Variants in BTLA observed in about 807,000 individuals in gnomAD.
BTLA encodes B and T lymphocyte associated.
BTLA carries 11 observed loss-of-function variants against 25.0 expected under a neutral mutation model. That is an observed-to-expected ratio of 0.44 (90% CI 0.28 to 0.73). The LOEUF (loss-of-function observed/expected upper bound fraction) is 0.73. BTLA is among the 30% of genes least tolerant of loss of function. The pLI, the probability that BTLA is intolerant of heterozygous loss-of-function variation, is 0.15. For synonymous variants in BTLA, 104 were observed against 119.8 expected, an observed-to-expected ratio of 0.87 and a Z score of 0.86; for missense variants, 282 against 332.8, an observed-to-expected ratio of 0.85 and a Z score of 1.19.
chr3:112,496,817 T>A (rs1289843520), intron 1 of BTLA, among the ~76,000 whole-genome samples: 1 of 152,094 alleles, frequency 6.6e-6, no homozygotes, highest in African/African-American at 2.4e-5. Context: ...AACCTCTGCC[T>A]CCTGGGTTCA....
intron 1 of BTLA, among the ~76,000 whole-genome samples, chr3:112,488,289 G>A (rs2082360207): frequency 2.1e-5 from 3 of 144,750 alleles, no homozygotes; most frequent in African/African-American, 2.5e-5. Context: ...GTGCAGTGGC[G>A]CAATCTCCGC....
At position 112,464,575 on chromosome 3, in the gene BTLA, A is replaced by G. The variant is rs1295213444; in HGVS notation, c.*1533T>C. Reference sequence around the variant, plus strand: ...TGCACCCCCAAATCTAAGGAGCTAAAACTTAATGCCAGTGTTACTTAAGAA... The same window carrying G: ...TGCACCCCCAAATCTAAGGAGCTAAGACTTAATGCCAGTGTTACTTAAGAA... On this transcript the variant is annotated 3_prime_UTR_variant, in exon 5 of 5. Transcript: ENST00000334529. The G allele has an allele frequency of 1.2e-5, 2 of 161,266 alleles. No individual in the cohort carries two copies. Among genetic ancestry groups the G allele is most frequent in the Non-Finnish European group, 2.7e-5 (2 of 74,376 alleles). The allele number at this position is 161,266 out of a possible 1,614,324, so 10.0% of individuals were successfully genotyped here. A position where few individuals can be genotyped will look rare whatever the true frequency, so the allele number is the denominator to read the frequency against.
intron 1 of BTLA, among the ~76,000 whole-genome samples, chr3:112,483,617 T>A (rs1433944496): frequency 1.3e-5 from 2 of 152,056 alleles, no homozygotes; most frequent in Non-Finnish European, 2.9e-5. Flanking sequence ...GAGCTTGCCT[T>A]CTAATGGGAA....
intron 1 of BTLA, among the ~76,000 whole-genome samples, chr3:112,496,558 C>T (rs141859088): frequency 6.6e-6 from 1 of 152,214 alleles, no homozygotes; most frequent in Non-Finnish European, 1.5e-5. Context: ...CTGTAAAGAA[C>T]TCAGCAATTA....
chr3:112,471,483 A>G (rs1300339120), intron 2 of BTLA, 128 bp from the exon 3 acceptor site: 2 of 1,038,110 alleles, frequency 1.9e-6, no homozygotes, highest in South Asian at 1.9e-5. Context: ...TCCCCTTCAG[A>G]GGCATTCCTC....
intron 1 of BTLA, 40 bp from the exon 2 acceptor site, chr3:112,479,809 C>G: frequency 6.8e-7 from 1 of 1,469,452 alleles, no homozygotes; most frequent in Non-Finnish European, 9.2e-7. Flanking sequence ...ATATGTTCTT[C>G]TGGAAGTACC....
At chr3:112,466,478 A>G in intron 4 of BTLA, 95 bp from the exon 5 acceptor site, 1 of 1,149,792 alleles carries the variant, frequency 8.7e-7, no homozygotes. Flanking sequence ...AAATGGAGTC[A>G]TGTCCATTGT....
At chr3:112,489,716 T>C (rs752352939) in intron 1 of BTLA, among the ~76,000 whole-genome samples, 1 of 152,200 alleles carries the variant, frequency 6.6e-6, no homozygotes, top group African/African-American at 2.4e-5. Context: ...GAAAATACTA[T>C]CACAGACAAA....
At chr3:112,485,099 C>CA (rs2082338982) in intron 1 of BTLA, among the ~76,000 whole-genome samples, 1 of 152,044 alleles carries the variant, frequency 6.6e-6, no homozygotes, top group Non-Finnish European at 1.5e-5. Flanking sequence ...GGCTGGAGTA[C>CA]AGTGATGCAA....
At chr3:112,495,134 T>C (rs1023368421) in intron 1 of BTLA, among the ~76,000 whole-genome samples, 2 of 152,172 alleles carry the variant, frequency 1.3e-5, no homozygotes, top group Non-Finnish European at 2.9e-5. Flanking sequence ...AACAACCTTA[T>C]AAGATTATTC....
chr3:112,475,391 AC>A (rs2082283807), intron 2 of BTLA, among the ~76,000 whole-genome samples: 1 of 151,934 alleles, frequency 6.6e-6, no homozygotes, highest in East Asian at 1.9e-4. Flanking sequence ...GTTCCATAAA[AC>A]CCCCCAAGGC....
intron 1 of BTLA, among the ~76,000 whole-genome samples, chr3:112,494,565 T>C (rs3112268): frequency 0.046 from 7,047 of 152,238 alleles, 337 homozygotes; most frequent in East Asian, 0.19. Flanking sequence ...CGTGGAATAC[T>C]ATGCAGCCAT....
At chr3:112,490,713 AT>A (rs1160864733) in intron 1 of BTLA, among the ~76,000 whole-genome samples, 1 of 87,786 alleles carries the variant, frequency 1.1e-5, no homozygotes, top group African/African-American at 4.5e-5. Context: ...ATAAATCTAC[AT>A]TTATGCCCAT....
intron 3 of BTLA, among the ~76,000 whole-genome samples, chr3:112,470,859 T>C (rs956766804): frequency 2.0e-5 from 3 of 152,196 alleles, no homozygotes; most frequent in South Asian, 2.1e-4. Context: ...GATATCTTGA[T>C]CTGAGAGATT....
rs192959469 is a variant in BTLA at position 112,496,845 on chromosome 3, G to C, written c.88+2426C>G. Among the ~76,000 whole-genome samples, 666 of 151,482 alleles carry C rather than the reference G, an allele frequency of 4.4e-3. 2 individuals carry two copies. Among genetic ancestry groups the C allele is most frequent in the Non-Finnish European group, 7.0e-3 (472 of 67,900 alleles). ...TGGGTTCAAGCTATTCTCCTGTCTC[G>C]GCCTCCCGAGTAGCTGGGACTACAG... is the stretch of plus-strand genomic sequence containing the variant. On this transcript the variant is annotated intron_variant, in intron 1 of 4. Transcript: ENST00000334529.
At chr3:112,496,769 T>C (rs566700389) in intron 1 of BTLA, among the ~76,000 whole-genome samples, 1 of 152,206 alleles carries the variant, frequency 6.6e-6, no homozygotes, top group South Asian at 2.1e-4. Flanking sequence ...TCTTTCCCTT[T>C]TTTTTTTGAG....
intron 2 of BTLA, among the ~76,000 whole-genome samples, chr3:112,472,210 A>T (rs2082266407): frequency 6.6e-6 from 1 of 152,116 alleles, no homozygotes; most frequent in Non-Finnish European, 1.5e-5. Context: ...TGCAACCCCC[A>T]CTTAGTGCAA....
intron 2 of BTLA, among the ~76,000 whole-genome samples, chr3:112,476,282 T>C (rs948816118): frequency 2.6e-5 from 4 of 152,232 alleles, no homozygotes; most frequent in African/African-American, 9.6e-5. Context: ...AATTGAGGGT[T>C]GTAGCTACTG....
At chr3:112,492,432 A>G (rs1397876625) in intron 1 of BTLA, among the ~76,000 whole-genome samples, 1 of 152,236 alleles carries the variant, frequency 6.6e-6, no homozygotes, top group African/African-American at 2.4e-5. Flanking sequence ...TGTTGACAGT[A>G]GCATCAGTGA....
Sources: allele counts gnomAD v4.1 joint callset (sites outside exome capture counted in the v4.1 genomes callset), GRCh38; gene constraint gnomAD v4.1.1; transcripts MANE v1.5; gene names NCBI Gene and HGNC (gene_info 2026-07-23, HGNC 2026-07-21).